Variants in ZNF672 observed in about 807,000 individuals in gnomAD.
ZNF672 encodes hypothetical protein FLJ22301.
For missense variants in ZNF672, 733 were observed against 701.1 expected (o/e 1.05, Z -0.51); for synonymous variants, 358 against 305.6 (o/e 1.17, Z -1.79).
In ZNF672 at chr1:248,844,551, A is replaced by G. The variant is rs918595038; in HGVS notation, c.-406A>G. The G allele has an allele frequency of 2.6e-5, 4 of 152,324 alleles. No individual in the cohort carries two copies. The highest frequency in any genetic ancestry group is 1.3e-4 in the Admixed American group (2 of 15,296). The allele number at this position is 152,324 out of a possible 1,614,324, so 9.4% of individuals were successfully genotyped here. A position where few individuals can be genotyped will look rare whatever the true frequency, so the allele number is the denominator to read the frequency against. ...CAGCATGGGGTGAGGTACAGAAGAG[A>G]GACTTGAAGAGCGTGCCTTGGGACT... On this transcript the variant is annotated 5_prime_UTR_variant, in exon 2 of 4. Transcript: ENST00000306562.
Position 248,849,188 on chromosome 1 carries a change from A to G in ZNF672, c.*555A>G. The G allele has an allele frequency of 2.3e-6, 1 of 433,436 alleles. No individual in the cohort carries two copies. Among genetic ancestry groups the G allele is most frequent in the South Asian group, 1.8e-5 (1 of 56,502 alleles). 26.8% of individuals were successfully genotyped at this position (433,436 alleles called of 1,614,324 possible). ...GTGGGTGGGAAAGCTCACTTCCATG[A>G]AGGATGTCTCCATGCTAGGAGCTGC... is the stretch of plus-strand genomic sequence containing the variant. On this transcript the variant is annotated 3_prime_UTR_variant, in exon 4 of 4. Coordinates refer to ENST00000306562, the MANE Select transcript of ZNF672 (RefSeq NM_024836.3).
intron 2 of ZNF672, 133 bp from the exon 3 acceptor site, chr1:248,845,433 T>C (rs910499403): frequency 6.6e-6 from 1 of 152,200 alleles, no homozygotes; most frequent in Non-Finnish European, 1.5e-5. Context: ...TGATCTATGA[T>C]ACTGTTCAGG....
Position 248,848,860 on chromosome 1 carries a change from C to T in ZNF672, c.*227C>T, listed in dbSNP as rs1012712311. The T allele has an allele frequency of 1.3e-6, 1 of 747,982 alleles. No individual in the cohort carries two copies. Among genetic ancestry groups the T allele is most frequent in the Admixed American group, 2.0e-5 (1 of 49,822 alleles). The allele number at this position is 747,982 out of a possible 1,614,324, so 46.3% of individuals were successfully genotyped here. On this transcript the variant is annotated 3_prime_UTR_variant, in exon 4 of 4. Transcript: ENST00000306562. Reference sequence around the variant, plus strand: ...GCTGTCCTCGTATAACTCGGATTCTCTCCTCAGGTGTAGGTGCAGGGAGTC... The same window carrying T: ...GCTGTCCTCGTATAACTCGGATTCTTTCCTCAGGTGTAGGTGCAGGGAGTC...
chr1:248,844,989 G>A (rs1397482236), intron 2 of ZNF672, among the ~76,000 whole-genome samples: 2 of 152,260 alleles, frequency 1.3e-5, no homozygotes, highest in Non-Finnish European at 2.9e-5. Flanking sequence ...CAGCCTGGGC[G>A]TGATGGCTCA....
At chr1:248,844,391 A>G (rs1664724729) in intron 1 of ZNF672, 92 bp from the exon 2 acceptor site, 1 of 152,176 alleles carries the variant, frequency 6.6e-6, no homozygotes, top group Non-Finnish European at 1.5e-5. Context: ...TGGTATAGCA[A>G]CTGTAAAACT....
intron 1 of ZNF672, chr1:248,838,890 T>G (rs1187423856): frequency 1.3e-5 from 2 of 152,158 alleles, no homozygotes; most frequent in Non-Finnish European, 2.9e-5. Context: ...CGTTCCCCAC[T>G]ACGTTTTTGG....
Position 248,848,035 on chromosome 1 carries a change from C to G in ZNF672, c.761C>G (p.Pro254Arg), listed in dbSNP as rs1433370232. Reference sequence around the variant, plus strand: ...CAGCGCACACACACGGGCGAGAAGCCGTACGCATGTGGCGACTGTGGACGC... The same window carrying G: ...CAGCGCACACACACGGGCGAGAAGCGGTACGCATGTGGCGACTGTGGACGC... ...RHQRTHTGEK[P>R]YACGDCGRCF... Residue 254 changes from proline (P) to arginine (R), a missense_variant, in exon 4 of 4, where the codon CCG becomes CGG. Coordinates refer to ENST00000306562, the MANE Select transcript of ZNF672 (RefSeq NM_024836.3). 6.4e-7 allele frequency: 1 copy of G among 1,554,212 alleles called. No individual in the cohort carries two copies. Among genetic ancestry groups the G allele is most frequent in the African/African-American group, 1.4e-5 (1 of 73,458 alleles).
rs1339587894 is a variant in ZNF672, at chr1:248,847,319, G to T, written c.45G>T (p.Ser15=). 6.2e-7 allele frequency: 1 copy of T among 1,609,500 alleles called. No individual in the cohort carries two copies. The highest frequency in any genetic ancestry group is 1.1e-5 in the South Asian group (1 of 91,006). ...SGAVAAGKPY[S]CSECGKSFCY... is the part of the protein sequence containing the mutation. ...CAGTGGCAGCGGGGAAGCCTTACTC[G>T]TGCAGCGAATGTGGCAAGAGCTTCT... Residue 15 remains serine, a synonymous_variant, in exon 4 of 4, where the codon TCG becomes TCT. Transcript: ENST00000306562.
Position 248,847,803 on chromosome 1 carries a change from G to C in ZNF672, c.529G>C (p.Gly177Arg), listed in dbSNP as rs541985941. The C allele has an allele frequency of 1.3e-6, 2 of 1,546,008 alleles. No homozygotes were observed. The highest frequency in any genetic ancestry group is 8.7e-7 in the Non-Finnish European group (1 of 1,149,478). ...QCPRAFRSGA[G>R]LRSHARIHVS... The stretch of plus-strand genomic sequence containing the variant: ...CCCGCGAGCCTTCCGAAGCGGCGCC[G>C]GGCTGCGGAGTCACGCGCGCATCCA... Residue 177 changes from glycine (G) to arginine (R), a missense_variant, in exon 4 of 4, where the codon GGG becomes CGG. Gly to Arg is a moderately radical substitution (Grantham distance 125). Coordinates refer to ENST00000306562, the MANE Select transcript of ZNF672 (RefSeq NM_024836.3).
rs540665833 is a variant in ZNF672, at chr1:248,847,771, C to G, written c.497C>G (p.Ala166Gly). The G allele has an allele frequency of 2.0e-6, 3 of 1,521,198 alleles. No individual in the cohort carries two copies. The highest frequency in any genetic ancestry group is 1.2e-5 in the South Asian group (1 of 82,770). 94.2% of individuals were successfully genotyped at this position (1,521,198 alleles called of 1,614,324 possible). Residue 166 changes from alanine (A) to glycine (G), a missense_variant, in exon 4 of 4, where the codon GCG (alanine) becomes GGG (glycine). Coordinates refer to ENST00000306562, the MANE Select transcript of ZNF672 (RefSeq NM_024836.3). ...CCTGCTGCCCCACCCCACCGCTGCG[C>G]GCAGTGCCCGCGAGCCTTCCGAAGC... ...SDPAAPPHRC[A>G]QCPRAFRSGA...
At position 248,847,677 on chromosome 1, in the gene ZNF672, C is replaced by G; in HGVS notation, c.403C>G (p.Arg135Gly). ...GCCCCGCCGCTGCCCGCTGTGCGCC[C>G]GCACCTTCCGGCAGAGCGCGCTGCT... ...ERPRRCPLCA[R>G]TFRQSALLFH... Residue 135 changes from arginine (R) to glycine (G), a missense_variant, in exon 4 of 4, where the codon CGC (arginine) becomes GGC (glycine). Arg to Gly is a moderately radical substitution (Grantham distance 125). Transcript: ENST00000306562. 6.8e-7 allele frequency: 1 copy of G among 1,481,102 alleles called. No individual in the cohort carries two copies. Among genetic ancestry groups the G allele is most frequent in the Non-Finnish European group, 8.9e-7 (1 of 1,121,644 alleles). 91.7% of individuals were successfully genotyped at this position (1,481,102 alleles called of 1,614,324 possible).
In ZNF672 at chr1:248,849,084, G is replaced by C. The variant is rs1659282412; in HGVS notation, c.*451G>C. On this transcript the variant is annotated 3_prime_UTR_variant, in exon 4 of 4. Transcript: ENST00000306562. ...TCAGGTAATGGTCACAGATTTGGCTGTAGGCACGTTACCAGCCCTGTGGCT... is the reference window on the plus strand; with the variant it reads ...TCAGGTAATGGTCACAGATTTGGCTCTAGGCACGTTACCAGCCCTGTGGCT... 2.1e-6 allele frequency: 1 copy of C among 477,702 alleles called. No individual in the cohort carries two copies. Among genetic ancestry groups the C allele is most frequent in the Non-Finnish European group, 4.3e-6 (1 of 231,462 alleles). The allele number at this position is 477,702 out of a possible 1,614,324, so 29.6% of individuals were successfully genotyped here.
chr1:248,839,418 A>G (rs1323462582), intron 1 of ZNF672: 2 of 152,098 alleles, frequency 1.3e-5, no homozygotes, highest in Admixed American at 1.3e-4. Context: ...GGCTCTCTTG[A>G]GCTCGGGAGT....
rs1408471877 is a variant in ZNF672 at position 248,848,229 on chromosome 1, C to T, written c.955C>T (p.Arg319Cys). Residue 319 changes from arginine to cysteine, a missense_variant, in exon 4 of 4, where the codon CGC becomes TGC. Physicochemically the swap from Arg to Cys is radical, Grantham distance 180. Transcript: ENST00000306562. ...CTTCGCGTGCCCCGAGTGCGGCCGCCGCTTCAGCGACCGCTCGGACCTCAC... is the reference window on the plus strand; with the variant it reads ...CTTCGCGTGCCCCGAGTGCGGCCGCTGCTTCAGCGACCGCTCGGACCTCAC... The part of the protein sequence containing the change: ...KPFACPECGR[R>C]FSDRSDLTKH... 2.5e-6 allele frequency: 4 copies of T among 1,601,180 alleles called. No individual in the cohort carries two copies. The South Asian group carries it at 3.3e-5, about 13-fold the overall frequency.
rs1415954692 is a variant in ZNF672 at position 248,848,288 on chromosome 1, C to A, written c.1014C>A (p.Pro338=). Residue 338 remains proline (P), a synonymous_variant, in exon 4 of 4, where the codon CCC becomes CCA. Transcript: ENST00000306562. ...GGCGCACGCACACGGGCGAGAAGCC[C>A]TACCGCTGCGAACTGTGCGGCAAGC... The part of the protein sequence containing the change: ...KHRRTHTGEK[P]YRCELCGKRF... 2 of 1,602,982 alleles carry A rather than the reference C, an allele frequency of 1.2e-6. No homozygotes were observed.
rs569751667 is a variant in ZNF672, at chr1:248,848,036, G to T, written c.762G>T (p.Pro254=). The change falls in exon 4 of 4, where the codon CCG becomes CCT. Residue 254 remains proline (P), a synonymous_variant. Transcript: ENST00000306562. ...RHQRTHTGEK[P]YACGDCGRCF... ...AGCGCACACACACGGGCGAGAAGCC[G>T]TACGCATGTGGCGACTGTGGACGCT... 1 of 1,549,148 alleles carries T rather than the reference G, an allele frequency of 6.5e-7. No homozygotes were observed. The highest frequency in any genetic ancestry group is 2.0e-5 in the Admixed American group (1 of 51,238).
At position 248,849,208 on chromosome 1, in the gene ZNF672, A is replaced by G; in HGVS notation, c.*575A>G. On this transcript the variant is annotated 3_prime_UTR_variant, in exon 4 of 4. Coordinates refer to ENST00000306562, the MANE Select transcript of ZNF672 (RefSeq NM_024836.3). ...CCATGAAGGATGTCTCCATGCTAGGAGCTGCCTGCACCCTGGCAGAGGTGG... is the reference window on the plus strand; with the variant it reads ...CCATGAAGGATGTCTCCATGCTAGGGGCTGCCTGCACCCTGGCAGAGGTGG... 2.4e-6 allele frequency: 1 copy of G among 416,814 alleles called. No individual in the cohort carries two copies. Among genetic ancestry groups the G allele is most frequent in the Non-Finnish European group, 4.9e-6 (1 of 202,028 alleles). The allele number at this position is 416,814 out of a possible 1,614,324, so 25.8% of individuals were successfully genotyped here.
chr1:248,849,375 A>G lies in ZNF672; in HGVS notation c.*742A>G, dbSNP rs1181007658. ...CCAGGCCAAAACCATGTGGGTGCAC[A>G]AAGCCAGGCACTGCCAAGTGGAACA... is the stretch of plus-strand genomic sequence containing the variant. On this transcript the variant is annotated 3_prime_UTR_variant, in exon 4 of 4. Coordinates refer to ENST00000306562, the MANE Select transcript of ZNF672 (RefSeq NM_024836.3). 5.9e-6 allele frequency: 2 copies of G among 339,102 alleles called. No individual in the cohort carries two copies. Among genetic ancestry groups the G allele is most frequent in the East Asian group, 8.1e-5 (1 of 12,400 alleles). The allele number at this position is 339,102 out of a possible 1,614,324, so 21.0% of individuals were successfully genotyped here.
rs549807893 is a variant in ZNF672, at chr1:248,839,535, G to T, written c.-475+984G>T. 2.5e-3 allele frequency: 377 copies of T among 152,256 alleles called. 5 individuals carry two copies. The highest frequency in any genetic ancestry group is 3.1e-3 in the Non-Finnish European group (209 of 68,052). 9.4% of individuals were successfully genotyped at this position (152,256 alleles called of 1,614,324 possible). A position where few individuals can be genotyped will look rare whatever the true frequency, so the allele number is the denominator to read the frequency against. ...AGCACCTGCTCATAGTCCCAGCTCC[G>T]CAGGAGGCTGAGGCTGGAGGGTTGC... On this transcript the variant is annotated intron_variant, in intron 1 of 3. Coordinates refer to ENST00000306562, the MANE Select transcript of ZNF672 (RefSeq NM_024836.3).
Sources: allele counts gnomAD v4.1 joint callset (sites outside exome capture counted in the v4.1 genomes callset), GRCh38; gene constraint gnomAD v4.1.1; transcripts MANE v1.5; gene names NCBI Gene and HGNC (gene_info 2026-07-23, HGNC 2026-07-21).